Variants in STXBP5L observed in about 807,000 individuals in gnomAD.
The protein encoded by STXBP5L is syntaxin binding protein 5L, also known as syntaxin-binding protein 5-like.
A neutral mutation model predicts 144.5 loss-of-function variants in STXBP5L; 65 were observed. The ratio of observed to expected loss-of-function variants is 0.45; its 90% confidence interval spans 0.37 to 0.55. The LOEUF is 0.55. STXBP5L is among the 20% of genes least tolerant of loss of function. STXBP5L has a pLI of 0.00. For synonymous variants in STXBP5L, 505 were observed against 469.6 expected (o/e 1.08, Z -0.97); for missense variants, 1,298 against 1,405.5 (o/e 0.92, Z 1.22).
chr3:120,997,416 T>C (rs1379314016), intron 3 of STXBP5L, among the ~76,000 whole-genome samples: 1 of 152,232 alleles, frequency 6.6e-6, no homozygotes, highest in Non-Finnish European at 1.5e-5. Context: ...CAGCAGTGAA[T>C]AAGCATTCCC....
intron 9 of STXBP5L, among the ~76,000 whole-genome samples, chr3:121,200,980 C>T (rs1430460900): frequency 6.6e-6 from 1 of 152,186 alleles, no homozygotes; most frequent in African/African-American, 2.4e-5. Context: ...GTGGAGAGTT[C>T]TGCAGATGTC....
At chr3:121,164,803 T>C (rs915101646) in intron 9 of STXBP5L, among the ~76,000 whole-genome samples, 1 of 152,172 alleles carries the variant, frequency 6.6e-6, no homozygotes, top group African/African-American at 2.4e-5. Context: ...GGAAAAGTAT[T>C]GCATTGTCTC....
rs149895626 is a variant in STXBP5L at position 120,938,759 on chromosome 3, T to C, written c.190-16181T>C. Among the ~76,000 whole-genome samples the C allele has an allele frequency of 2.6e-5, 4 of 152,260 alleles. No homozygotes were observed. In the East Asian group the frequency reaches 7.7e-4, roughly 29 times the overall value. On this transcript the variant is annotated intron_variant, in intron 2 of 26. Coordinates refer to ENST00000471454, the MANE Select transcript of STXBP5L (RefSeq NM_001308330.2). ...TGTGTATTCACTAGGTTGGTGACCT[T>C]GAACAGTTGATTAGCCTTTCTTTTT... is the stretch of plus-strand genomic sequence containing the variant.
rs778455426 is a variant in STXBP5L, at chr3:121,240,448, A to T, written c.1341A>T (p.Pro447=). 3 of 1,613,508 alleles carry T rather than the reference A, an allele frequency of 1.9e-6. No individual in the cohort carries two copies. The East Asian group carries it at 6.7e-5, about 36-fold the overall frequency. Residue 447 remains proline (P), a synonymous_variant, in exon 14 of 27, where the codon CCA becomes CCT. Coordinates refer to ENST00000471454, the MANE Select transcript of STXBP5L (RefSeq NM_001308330.2). ...KKQGYSNKEW[P]ISGGAWNLGA... is the part of the protein sequence containing the mutation. ...CTGGATAATCTGTTTAGGAGTGGCCAATCAGTGGAGGAGCTTGGAACCTTG... is the reference window on the plus strand; with the variant it reads ...CTGGATAATCTGTTTAGGAGTGGCCTATCAGTGGAGGAGCTTGGAACCTTG...
At chr3:121,216,445 C>G (rs2048779958) in intron 10 of STXBP5L, among the ~76,000 whole-genome samples, 1 of 152,196 alleles carries the variant, frequency 6.6e-6, no homozygotes, top group South Asian at 2.1e-4. Context: ...GGCCCCTCTG[C>G]TGCAGTTTTG....
intron 9 of STXBP5L, among the ~76,000 whole-genome samples, chr3:121,170,573 A>G (rs1306461305): frequency 2.0e-5 from 3 of 152,218 alleles, no homozygotes; most frequent in Non-Finnish European, 4.4e-5. Context: ...CTTCTATGCA[A>G]ATAAAATAGA....
chr3:120,969,778 T>G (rs752974946), intron 3 of STXBP5L, among the ~76,000 whole-genome samples: 1 of 151,906 alleles, frequency 6.6e-6, no homozygotes, highest in African/African-American at 2.4e-5. Flanking sequence ...ACTCTTTTAA[T>G]TGAAGACTTT....
At chr3:121,173,347 A>AATAATAATAATG (rs1236406261) in intron 9 of STXBP5L, among the ~76,000 whole-genome samples, 1 of 150,204 alleles carries the variant, frequency 6.7e-6, no homozygotes, top group Non-Finnish European at 1.5e-5. Context: ...TAATAATAAT[A>AATAATAATAATG]ATAATGATAA....
chr3:121,013,123 G>A (rs1381353570), intron 3 of STXBP5L, among the ~76,000 whole-genome samples: 1 of 151,798 alleles, frequency 6.6e-6, no homozygotes, highest in Non-Finnish European at 1.5e-5. Context: ...TTGATTCCAT[G>A]TTCTTGCTAT....
At chr3:121,223,185 G>A in intron 11 of STXBP5L, 28 bp downstream of exon 11, 1 of 1,556,780 alleles carries the variant, frequency 6.4e-7, no homozygotes, top group South Asian at 1.2e-5. Flanking sequence ...AACTATTAAT[G>A]TTGAAAATCA....
chr3:121,195,687 G>A lies in STXBP5L; in HGVS notation c.878-10236G>A, dbSNP rs938358615. ...CTGCTTTAGTAAACTAATAGATTGC[G>A]TGACTCATCCAAGGACGAAGTCAGT... On this transcript the variant is annotated intron_variant, in intron 9 of 26. Coordinates refer to ENST00000471454, the MANE Select transcript of STXBP5L (RefSeq NM_001308330.2). Among the ~76,000 whole-genome samples, 6 of 152,292 alleles carry A rather than the reference G, an allele frequency of 3.9e-5. No homozygotes were observed. The South Asian group carries it at 8.3e-4, about 21-fold the overall frequency.
At chr3:121,077,794 C>G (rs2042083237) in intron 5 of STXBP5L, among the ~76,000 whole-genome samples, 2 of 152,064 alleles carry the variant, frequency 1.3e-5, no homozygotes, top group South Asian at 4.1e-4. Context: ...AAAGGTTCTC[C>G]AAGTCCCCAT....
chr3:121,312,741 G>A (rs1378325601), intron 19 of STXBP5L, among the ~76,000 whole-genome samples: 1 of 151,774 alleles, frequency 6.6e-6, no homozygotes, highest in Non-Finnish European at 1.5e-5. Flanking sequence ...ACGCTGAGTG[G>A]ACACAGCACA....
chr3:121,093,748 G>A (rs1462146423), intron 5 of STXBP5L, among the ~76,000 whole-genome samples: 1 of 152,044 alleles, frequency 6.6e-6, no homozygotes, highest in Non-Finnish European at 1.5e-5. Flanking sequence ...AATTTTTGAA[G>A]GGTTTTTTGT....
chr3:121,348,127 G>A (rs1156748773), intron 20 of STXBP5L, among the ~76,000 whole-genome samples: 1 of 151,784 alleles, frequency 6.6e-6, no homozygotes, highest in Non-Finnish European at 1.5e-5. Flanking sequence ...TTTGAGATAT[G>A]TCCCATCAGT....
chr3:121,039,489 A>T (rs538521374), intron 3 of STXBP5L, among the ~76,000 whole-genome samples: 1 of 151,976 alleles, frequency 6.6e-6, no homozygotes, highest in South Asian at 2.1e-4. Flanking sequence ...TTTTTTAAAG[A>T]TAACTTGTAT....
At chr3:121,277,567 A>G (rs528581273) in intron 18 of STXBP5L, among the ~76,000 whole-genome samples, 6 of 151,730 alleles carry the variant, frequency 4.0e-5, no homozygotes, top group Admixed American at 3.3e-4. Flanking sequence ...AAGCACTTTC[A>G]TTATTTTCCA....
At chr3:121,038,222 A>G (rs1946894837) in intron 3 of STXBP5L, among the ~76,000 whole-genome samples, 3 of 151,832 alleles carry the variant, frequency 2.0e-5, no homozygotes, top group African/African-American at 7.2e-5. Context: ...CCTTCTTAAG[A>G]TGAAAGCTTA....
chr3:121,404,194 T>C (rs991679053), intron 22 of STXBP5L, among the ~76,000 whole-genome samples: 2 of 152,150 alleles, frequency 1.3e-5, no homozygotes, highest in African/African-American at 4.8e-5. Flanking sequence ...AATTCCATTC[T>C]TCCAGTTTCT....
Sources: gnomAD v4.1 joint callset for allele counts (sites outside exome capture counted in the v4.1 genomes callset) on GRCh38, gnomAD v4.1.1 for gene constraint, MANE v1.5 for transcripts, NCBI Gene and HGNC (gene_info 2026-07-23, HGNC 2026-07-21) for gene names.